The following PMS2 variants were observed in gnomAD, a reference collection of about 807,000 sequenced individuals.
PMS2 encodes PMS1 homolog 2, mismatch repair system component, also known as mismatch repair endonuclease PMS2.
Under a neutral mutation model 90.0 loss-of-function variants are expected in PMS2, and 69 were observed. The ratio of observed to expected loss-of-function variants is 0.77; its 90% confidence interval spans 0.63 to 0.94. PMS2 has a LOEUF of 0.94. PMS2 is among the 40% of genes least tolerant of loss of function. PMS2 has a pLI of 0.00. For synonymous variants in PMS2, 332 were observed against 375.1 expected (o/e 0.89, Z 1.33); for missense variants, 966 against 1,040.2 (o/e 0.93, Z 0.98).
At chr7:6,001,676 ATTC>A (rs1175237506) in intron 5 of PMS2, among the ~76,000 whole-genome samples, 2 of 151,768 alleles carry the variant, frequency 1.3e-5, no homozygotes, top group Non-Finnish European at 2.9e-5. Flanking sequence ...GCCGAGAAAT[ATTC>A]TTATTAAAAT....
rs1583321045 is a variant in PMS2, at chr7:5,987,403, C to A, written c.1362G>T (p.Leu454=). The change falls in exon 11 of 15, where the codon CTG becomes CTT. Residue 454 remains leucine, a synonymous_variant. Transcript: ENST00000265849. ...AGATGGCACCTGAAGTGCTAGAAGA[C>A]AGCATACCCCTTTTCTGTCCTAGAG... ...RSPLGQKRGM[L]SSSTSGAISD... 1 of 1,614,180 alleles carries A rather than the reference C, an allele frequency of 6.2e-7. No homozygotes were observed. Among genetic ancestry groups the A allele is most frequent in the Non-Finnish European group, 8.5e-7 (1 of 1,180,030 alleles).
intron 5 of PMS2, among the ~76,000 whole-genome samples, chr7:6,000,376 T>C (rs906839868): frequency 1.6e-5 from 1 of 62,320 alleles, no homozygotes; most frequent in Non-Finnish European, 3.2e-5. Flanking sequence ...CCTGTCTCAA[T>C]TAAAAAAAAA....
chr7:5,982,351 G>A (rs1266604158), intron 12 of PMS2, among the ~76,000 whole-genome samples: 6 of 152,312 alleles, frequency 3.9e-5, no homozygotes, highest in African/African-American at 7.2e-5. Flanking sequence ...GACTACAGGC[G>A]CCCGCCACCA....
chr7:5,996,514 G>A (rs1177168917), intron 7 of PMS2, among the ~76,000 whole-genome samples: 1 of 148,808 alleles, frequency 6.7e-6, no homozygotes, highest in Non-Finnish European at 1.5e-5. Context: ...AGAGGTTGCA[G>A]TGAGCCAAGA....
chr7:6,003,942 T>C, intron 3 of PMS2, 30 bp downstream of exon 3: 1 of 1,430,918 alleles, frequency 7.0e-7, no homozygotes, highest in Non-Finnish European at 9.9e-7. Context: ...CCCAATTATT[T>C]TATAATAGGA....
At chr7:5,995,203 A>AT (rs945842570) in intron 8 of PMS2, among the ~76,000 whole-genome samples, 1 of 151,846 alleles carries the variant, frequency 6.6e-6, no homozygotes, top group Non-Finnish European at 1.5e-5. Flanking sequence ...ATGCCTGGTT[A>AT]TTTTTTGTAT....
At chr7:5,977,065 G>GT in intron 14 of PMS2, among the ~76,000 whole-genome samples, 1 of 144,030 alleles carries the variant, frequency 6.9e-6, no homozygotes, top group African/African-American at 2.5e-5. Context: ...GGTTTTTTTT[G>GT]TTTTTTTGAG....
In PMS2 at chr7:5,997,408, G is replaced by C. The variant is rs779411667; in HGVS notation, c.721C>G (p.Pro241Ala). 6.4e-6 allele frequency: 10 copies of C among 1,567,040 alleles called. No individual in the cohort carries two copies. Among genetic ancestry groups the C allele is most frequent in the Non-Finnish European group, 8.7e-6 (10 of 1,148,268 alleles). Residue 241 changes from proline to alanine, a missense_variant, in exon 7 of 15, where the codon CCT (proline) becomes GCT (alanine). Transcript: ENST00000265849. Reference sequence around the variant, plus strand: ...TCACTAGGGGGCAGCTGAACAAAAGGAATGAGGCTTTGCAACTGAAAAAAA... The same window carrying C: ...TCACTAGGGGGCAGCTGAACAAAAGCAATGAGGCTTTGCAACTGAAAAAAA... ...FGQKQLQSLI[P>A]FVQLPPSDSV...
At chr7:5,992,086 A>T (rs747198931) in intron 8 of PMS2, 29 bp from the exon 9 acceptor site, 1 of 1,208,292 alleles carries the variant, frequency 8.3e-7, no homozygotes, top group East Asian at 2.3e-5. Flanking sequence ...GTAGAAAAGA[A>T]TAAATGACAA....
chr7:5,997,750 G>A (rs533897208), intron 6 of PMS2, among the ~76,000 whole-genome samples: 71 of 152,098 alleles, frequency 4.7e-4, no homozygotes, highest in African/African-American at 1.5e-3. Context: ...GGATCTTGCC[G>A]TGTTATCCAA....
intron 8 of PMS2, among the ~76,000 whole-genome samples, chr7:5,994,405 C>CA (rs993353760): frequency 1.7e-4 from 25 of 150,864 alleles, no homozygotes. Flanking sequence ...AAAACAACAA[C>CA]AAAAAAAACT....
At chr7:5,998,923 G>C (rs1784757422) in intron 6 of PMS2, among the ~76,000 whole-genome samples, 185 bp downstream of exon 6, 2 of 151,594 alleles carry the variant, frequency 1.3e-5, no homozygotes, top group Admixed American at 6.6e-5. Flanking sequence ...CTGGGAGGCG[G>C]AGGTTGCAGT....
intron 8 of PMS2, 57 bp from the exon 9 acceptor site, chr7:5,992,114 C>T (rs2128756988): frequency 6.6e-6 from 6 of 902,628 alleles, no homozygotes; most frequent in Non-Finnish European, 1.1e-5. Flanking sequence ...CAGCCCCCCG[C>T]ATTCTAACAA....
chr7:5,992,205 T>C, intron 8 of PMS2, 148 bp from the exon 9 acceptor site: 1 of 627,304 alleles, frequency 1.6e-6, no homozygotes, highest in South Asian at 1.9e-5. Flanking sequence ...GGTCTCGCCT[T>C]GTCACAGCCT....
At chr7:5,997,488 T>G in intron 6 of PMS2, 65 bp from the exon 7 acceptor site, 1 of 923,754 alleles carries the variant, frequency 1.1e-6, no homozygotes, top group South Asian at 1.5e-5. Flanking sequence ...TTAATCTGTT[T>G]TCTTTCTTAG....
intron 8 of PMS2, among the ~76,000 whole-genome samples, chr7:5,994,558 G>A (rs1784159680): frequency 2.0e-5 from 3 of 151,896 alleles, no homozygotes; most frequent in African/African-American, 7.3e-5. Flanking sequence ...CGGATCACGA[G>A]GTCAGGAGAT....
Position 5,984,164 on chromosome 7 carries a change from G to C in PMS2, c.2007-1173C>G. Among the ~76,000 whole-genome samples, 2 of 151,810 alleles carry C rather than the reference G, an allele frequency of 1.3e-5. 1 individual carries two copies. Among genetic ancestry groups the C allele is most frequent in the African/African-American group, 4.9e-5 (2 of 41,082 alleles). On this transcript the variant is annotated intron_variant, in intron 11 of 14. Transcript: ENST00000265849. ...AGGGAGAACTACATATGTACTTCTTGACGGGAAATCTGTGAAAAGTCACAC... is the reference window on the plus strand; with the variant it reads ...AGGGAGAACTACATATGTACTTCTTCACGGGAAATCTGTGAAAAGTCACAC...
At chr7:5,983,190 G>A (rs565524281) in intron 11 of PMS2, among the ~76,000 whole-genome samples, 199 bp from the exon 12 acceptor site, 372 of 151,718 alleles carry the variant, frequency 2.5e-3, no homozygotes, top group Non-Finnish European at 4.7e-3. Flanking sequence ...TTGGCTCACT[G>A]CAACCTCCAC....
At chr7:5,996,591 AT>A (rs370517159) in intron 7 of PMS2, among the ~76,000 whole-genome samples, 11,521 of 84,778 alleles carry the variant, frequency 0.14, 845 homozygotes, top group African/African-American at 0.27. Flanking sequence ...AAAAAAAAAA[AT>A]ATATATATAT....
Sources: gnomAD v4.1 joint callset for allele counts (sites outside exome capture counted in the v4.1 genomes callset) on GRCh38, gnomAD v4.1.1 for gene constraint, MANE v1.5 for transcripts, NCBI Gene and HGNC (gene_info 2026-07-23, HGNC 2026-07-21) for gene names.